The following KHDRBS2 variants were observed in gnomAD, a reference collection of about 807,000 sequenced individuals.
KHDRBS2 encodes KH domain-containing, RNA-binding, signal transduction-associated protein 2.
Under a neutral mutation model 44.3 loss-of-function variants are expected in KHDRBS2, and 26 were observed. The ratio of observed to expected loss-of-function variants is 0.59; its 90% CI spans 0.43 to 0.81. The LOEUF is 0.81. KHDRBS2 is among the 40% of genes least tolerant of loss of function. The pLI is 0.00. For missense variants in KHDRBS2, 476 were observed against 433.1 expected, an observed-to-expected ratio of 1.10 and a Z score of -0.88; for synonymous variants, 194 against 151.1, an observed-to-expected ratio of 1.28 and a Z score of -2.08.
At chr6:62,198,510 C>T (rs1826172121) in intron 1 of KHDRBS2, among the ~76,000 whole-genome samples, 1 of 152,152 alleles carries the variant, frequency 6.6e-6, no homozygotes, top group African/African-American at 2.4e-5. Context: ...TTCCTCGACA[C>T]ATACACCCTC....
intron 6 of KHDRBS2, among the ~76,000 whole-genome samples, chr6:61,888,367 G>A (rs184300539): frequency 6.6e-6 from 1 of 152,280 alleles, no homozygotes; most frequent in Admixed American, 6.5e-5. Flanking sequence ...GAACTGAGAG[G>A]CTAGTATCTG....
At chr6:61,977,849 C>T (rs1373803461) in intron 4 of KHDRBS2, among the ~76,000 whole-genome samples, 1 of 151,394 alleles carries the variant, frequency 6.6e-6, no homozygotes, top group African/African-American at 2.4e-5. Context: ...ACCAGCATGA[C>T]AAACATTGCT....
At chr6:61,992,047 T>C (rs1201675450) in intron 3 of KHDRBS2, among the ~76,000 whole-genome samples, 2 of 152,230 alleles carry the variant, frequency 1.3e-5, no homozygotes, top group Non-Finnish European at 2.9e-5. Context: ...TACTAGAATA[T>C]AGCTGGTATC....
At chr6:62,156,381 G>A (rs1371555153) in intron 2 of KHDRBS2, among the ~76,000 whole-genome samples, 1 of 151,964 alleles carries the variant, frequency 6.6e-6, no homozygotes, top group East Asian at 1.9e-4. Context: ...TTACAATAAA[G>A]CATTTATTTG....
the KHDRBS2 span, among the ~76,000 whole-genome samples, chr6:61,634,044 A>T: frequency 1.3e-5 from 2 of 152,132 alleles, no homozygotes; most frequent in African/African-American, 4.8e-5. Flanking sequence ...CCACATTTTT[A>T]GATTTCACAC....
intron 5 of KHDRBS2, among the ~76,000 whole-genome samples, chr6:61,899,320 T>C (rs2127340057): frequency 1.3e-5 from 2 of 152,062 alleles, no homozygotes; most frequent in South Asian, 4.1e-4. Flanking sequence ...CAACATATTG[T>C]TTGAAACAGA....
rs374025537 is a variant in KHDRBS2, at chr6:62,210,364, C to G, written c.92-33052G>C. On this transcript the variant is annotated intron_variant, in intron 1 of 8. Transcript: ENST00000281156. Reference sequence around the variant, plus strand: ...TTTTTTTTCAAGACGAAGTCTCGCTCTTGTCCCCTAGGCTGGAGTTTGATG... The same window carrying G: ...TTTTTTTTCAAGACGAAGTCTCGCTGTTGTCCCCTAGGCTGGAGTTTGATG... Among the ~76,000 whole-genome samples, 9 of 139,060 alleles carry G rather than the reference C, an allele frequency of 6.5e-5. No homozygotes were observed. In the East Asian group the frequency reaches 2.0e-3, roughly 30 times the overall value. The allele number at this position is 139,060 out of a possible 152,430, so 91.2% of individuals were successfully genotyped here. A position where few individuals can be genotyped will look rare whatever the true frequency, so the allele number is the denominator to read the frequency against.
chr6:61,768,976 G>A (rs1263126119), intron 6 of KHDRBS2, among the ~76,000 whole-genome samples: 1 of 152,044 alleles, frequency 6.6e-6, no homozygotes, highest in African/African-American at 2.4e-5. Context: ...TCCTCTGCAT[G>A]TGAAAGAATT....
chr6:61,967,305 T>C (rs1212293), intron 4 of KHDRBS2, among the ~76,000 whole-genome samples: 31,376 of 151,564 alleles, frequency 0.21, 3,616 homozygotes, highest in South Asian at 0.26. Flanking sequence ...CAGTAAATCA[T>C]AGTATATCTG....
chr6:62,105,797 A>C (rs1391360675), intron 2 of KHDRBS2, among the ~76,000 whole-genome samples: 12 of 151,770 alleles, frequency 7.9e-5, no homozygotes, highest in African/African-American at 9.7e-5. Context: ...CTCTGATTTT[A>C]GTTATTTTTT....
chr6:61,719,553 T>G (rs1195648558), intron 7 of KHDRBS2, among the ~76,000 whole-genome samples: 1 of 152,082 alleles, frequency 6.6e-6, no homozygotes, highest in African/African-American at 2.4e-5. Flanking sequence ...TTGCCTTAAG[T>G]CAAAACTTCA....
rs1320789203 is a variant in KHDRBS2, at chr6:62,165,429, T to A, written c.219+11756A>T. Among the ~76,000 whole-genome samples, 4 of 151,338 alleles carry A rather than the reference T, an allele frequency of 2.6e-5. No homozygotes were observed. In the East Asian group the frequency reaches 7.7e-4, roughly 29 times the overall value. On this transcript the variant is annotated intron_variant, in intron 2 of 8. Coordinates refer to ENST00000281156, the MANE Select transcript of KHDRBS2 (RefSeq NM_152688.4). The stretch of plus-strand genomic sequence containing the variant: ...TTATTTATTCATATTGTTGTTAATA[T>A]ATACTAATTACATGCGTCCATGTTT...
intron 3 of KHDRBS2, among the ~76,000 whole-genome samples, chr6:62,009,096 T>G (rs1392416399): frequency 6.6e-6 from 1 of 152,068 alleles, no homozygotes; most frequent in African/African-American, 2.4e-5. Flanking sequence ...AGTTTGGAAC[T>G]CCCTAGAGAC....
At chr6:61,635,450 G>A in the KHDRBS2 span, among the ~76,000 whole-genome samples, 2 of 151,908 alleles carry the variant, frequency 1.3e-5, no homozygotes, top group Non-Finnish European at 2.9e-5. Context: ...TCTTTTTAGA[G>A]GGAATGAACA....
At chr6:61,557,270 A>G in the KHDRBS2 span, among the ~76,000 whole-genome samples, 1 of 152,168 alleles carries the variant, frequency 6.6e-6, no homozygotes, top group South Asian at 2.1e-4. Flanking sequence ...CTTCACAGAT[A>G]TTATCTTACA....
rs143302974 is a variant in KHDRBS2 at position 61,829,754 on chromosome 6, C to T, written c.810+64881G>A. On this transcript the variant is annotated intron_variant, in intron 6 of 8. Transcript: ENST00000281156. ...TAATAGTGATATATCAATGTAAAAC[C>T]GGAGTCATACATAGTATAAATCTTT... Among the ~76,000 whole-genome samples, 23 of 152,130 alleles carry T rather than the reference C, an allele frequency of 1.5e-4. No homozygotes were observed. The East Asian group carries it at 3.7e-3, about 24-fold the overall frequency.
chr6:61,818,360 A>G (rs901006218), intron 6 of KHDRBS2, among the ~76,000 whole-genome samples: 3 of 151,798 alleles, frequency 2.0e-5, no homozygotes, highest in African/African-American at 7.2e-5. Flanking sequence ...AGTTATTGAA[A>G]TTTAATATAA....
the KHDRBS2 span, among the ~76,000 whole-genome samples, chr6:61,661,904 G>C: frequency 6.6e-6 from 1 of 151,838 alleles, no homozygotes; most frequent in Non-Finnish European, 1.5e-5. Flanking sequence ...CTACTTTAAA[G>C]TTCATATGGA....
rs553780536 is a variant in KHDRBS2, at chr6:61,912,283, C to G, written c.484-10912G>C. 2.0e-5 allele frequency among the ~76,000 whole-genome samples: 3 copies of G among 152,046 alleles called. No homozygotes were observed. The East Asian group carries it at 5.8e-4, about 29-fold the overall frequency. On this transcript the variant is annotated intron_variant, in intron 4 of 8. Transcript: ENST00000281156. ...CAAAATATGATGTCAAAGTTCCCCCCAAAAAAGATAAATTAGAATTACAAA... is the reference window on the plus strand; with the variant it reads ...CAAAATATGATGTCAAAGTTCCCCCGAAAAAAGATAAATTAGAATTACAAA...
Sources: gnomAD v4.1 joint callset for allele counts (sites outside exome capture counted in the v4.1 genomes callset) on GRCh38, gnomAD v4.1.1 for gene constraint, MANE v1.5 for transcripts, NCBI Gene and HGNC (gene_info 2026-07-23, HGNC 2026-07-21) for gene names.